The following AVL9 variants were observed in gnomAD, a reference collection of about 807,000 sequenced individuals.
The protein encoded by AVL9 is AVL9 cell migration associated.
AVL9 carries 49 observed loss-of-function variants against 79.2 expected under a neutral mutation model. The ratio of observed to expected loss-of-function variants is 0.62; its 90% CI spans 0.49 to 0.79. AVL9 has a LOEUF of 0.79. Among genes scored for constraint, AVL9 ranks in the 30% least tolerant of loss-of-function variants. The pLI is 0.00. For missense variants in AVL9, 682 were observed against 776.8 expected (o/e 0.88, Z 1.45); for synonymous variants, 299 against 280.6 (o/e 1.07, Z -0.65).
At position 32,503,369 on chromosome 7, in the gene AVL9, TATATACACACACACAC is replaced by T. The variant is rs1430176061; in HGVS notation, c.93+7569_93+7584del. Among the ~76,000 whole-genome samples the T allele has an allele frequency of 9.8e-3, 992 of 101,330 alleles. 27 individuals are homozygous for T. The highest frequency in any genetic ancestry group is 0.033 in the African/African-American group (888 of 27,192). The allele number at this position is 101,330 out of a possible 152,430, so 66.5% of individuals were successfully genotyped here. On this transcript the variant is annotated intron_variant, in intron 1 of 15. Coordinates refer to ENST00000318709, the MANE Select transcript of AVL9 (RefSeq NM_015060.3). ...AGATATAGATATAGAGAGATATATA[TATATACACACACACAC>T]ACACACACACACACACACACAAATT...
chr7:32,512,423 A>T lies in AVL9; in HGVS notation c.93+16621A>T, dbSNP rs550433325. ...CGTTATTTTATCGATGAGGACACTA[A>T]AGACCAGAAAACGAACTACCAGTAG... On this transcript the variant is annotated intron_variant, in intron 1 of 15. Coordinates refer to ENST00000318709, the MANE Select transcript of AVL9 (RefSeq NM_015060.3). Among the ~76,000 whole-genome samples the T allele has an allele frequency of 4.6e-5, 7 of 152,336 alleles. No individual in the cohort carries two copies. In the East Asian group the frequency reaches 1.3e-3, roughly 29 times the overall value.
In AVL9 at chr7:32,554,538, A is replaced by ATTTTTTT; in HGVS notation, c.571-17_571-11dup. ...CGTGAGTCTCTCATTTCAATACAAC[A>ATTTTTTT]TTTTTTTTTCCTTTTGCAGGTCTTA... On this transcript the variant is annotated intron_variant, in intron 7 of 15. Coordinates refer to ENST00000318709, the MANE Select transcript of AVL9 (RefSeq NM_015060.3). 6.8e-7 allele frequency: 1 copy of ATTTTTTT among 1,478,150 alleles called. No individual in the cohort carries two copies. The highest frequency in any genetic ancestry group is 9.2e-7 in the Non-Finnish European group (1 of 1,084,344). The allele number at this position is 1,478,150 out of a possible 1,614,324, so 91.6% of individuals were successfully genotyped here. A position where few individuals can be genotyped will look rare whatever the true frequency, so the allele number is the denominator to read the frequency against.
At chr7:32,541,136 C>G (rs1227818982) in intron 1 of AVL9, among the ~76,000 whole-genome samples, 1 of 151,636 alleles carries the variant, frequency 6.6e-6, no homozygotes, top group South Asian at 2.1e-4. Context: ...CTCCTGACCT[C>G]GTGATCCGCC....
At chr7:32,554,518 G>C in intron 7 of AVL9, 40 bp from the exon 8 acceptor site, 1 of 1,295,082 alleles carries the variant, frequency 7.7e-7, no homozygotes, top group East Asian at 2.4e-5. Flanking sequence ...ATAGGCGTGA[G>C]TCTCTCATTT....
chr7:32,500,954 C>T (rs553193312), intron 1 of AVL9, among the ~76,000 whole-genome samples: 6 of 152,196 alleles, frequency 3.9e-5, no homozygotes, highest in South Asian at 2.1e-4. Context: ...TGTTCTGTCC[C>T]GTTGGTCTAT....
intron 1 of AVL9, among the ~76,000 whole-genome samples, chr7:32,505,881 T>C (rs917884853): frequency 7.9e-5 from 12 of 152,326 alleles, no homozygotes; most frequent in African/African-American, 2.9e-4. Context: ...GATGCTCATA[T>C]ATATATTTAT....
At chr7:32,522,653 A>G (rs2128124543) in intron 1 of AVL9, among the ~76,000 whole-genome samples, 1 of 152,228 alleles carries the variant, frequency 6.6e-6, no homozygotes, top group East Asian at 1.9e-4. Context: ...GAAATGAGTT[A>G]AGACTTTGGG....
chr7:32,541,329 A>G (rs1789197379), intron 1 of AVL9, among the ~76,000 whole-genome samples: 1 of 143,674 alleles, frequency 7.0e-6, no homozygotes, highest in Non-Finnish European at 1.6e-5. Flanking sequence ...ATTTCATACA[A>G]AATTCATTTT....
At position 32,583,844 on chromosome 7, in the gene AVL9, G is replaced by A. The variant is rs1791636838; in HGVS notation, c.1884G>A (p.Trp628Ter). ...FSSAKTAMSS[W>*]LSTFTTSTSQ... ...GTGCAAAGACAGCTATGTCTTCATG[G>A]CTTTCCACTTTCACCACTTCCACCT... Residue 628 changes from tryptophan to a stop codon, truncating the protein, a stop_gained, in exon 16 of 16, where the codon TGG becomes TGA. Coordinates refer to ENST00000318709, the MANE Select transcript of AVL9 (RefSeq NM_015060.3). LOFTEE classifies it high-confidence loss of function. The A allele has an allele frequency of 5.6e-6, 9 of 1,613,970 alleles. No individual in the cohort carries two copies. Among genetic ancestry groups the A allele is most frequent in the Non-Finnish European group, 7.6e-6 (9 of 1,180,022 alleles).
chr7:32,547,649 G>T, intron 3 of AVL9, among the ~76,000 whole-genome samples: 1 of 152,156 alleles, frequency 6.6e-6, no homozygotes, highest in East Asian at 1.9e-4. Context: ...CCCAGTGATT[G>T]CTGTCCTTCT....
chr7:32,543,713 AG>A (rs1789325988), intron 2 of AVL9, among the ~76,000 whole-genome samples: 1 of 152,202 alleles, frequency 6.6e-6, no homozygotes, highest in African/African-American at 2.4e-5. Flanking sequence ...TCTGCTTGCA[AG>A]GTTGCTTGCT....
chr7:32,557,468 C>A (rs2128141030), intron 8 of AVL9, among the ~76,000 whole-genome samples: 1 of 152,206 alleles, frequency 6.6e-6, no homozygotes, highest in East Asian at 1.9e-4. Context: ...TCTTTTCTTT[C>A]TATATTTTGT....
At chr7:32,514,748 C>T (rs943194250) in intron 1 of AVL9, among the ~76,000 whole-genome samples, 10 of 152,154 alleles carry the variant, frequency 6.6e-5, no homozygotes, top group African/African-American at 9.7e-5. Flanking sequence ...CACTCCTACC[C>T]GCCAGAGAAC....
At chr7:32,520,341 G>A (rs901849072) in intron 1 of AVL9, among the ~76,000 whole-genome samples, 8 of 152,080 alleles carry the variant, frequency 5.3e-5, no homozygotes, top group Non-Finnish European at 1.0e-4. Context: ...CCACTGTAAG[G>A]ACAAAATTTT....
intron 10 of AVL9, among the ~76,000 whole-genome samples, chr7:32,563,927 TG>T (rs1790440544): frequency 6.6e-6 from 1 of 152,176 alleles, no homozygotes; most frequent in South Asian, 2.1e-4. Context: ...TTTAAGAACT[TG>T]GGAGAAAACT....
At chr7:32,582,156 A>G (rs1791540627) in intron 15 of AVL9, among the ~76,000 whole-genome samples, 1 of 152,260 alleles carries the variant, frequency 6.6e-6, no homozygotes, top group Non-Finnish European at 1.5e-5. Context: ...ACATTGCAAC[A>G]GTGCAAGAAA....
intron 1 of AVL9, among the ~76,000 whole-genome samples, chr7:32,542,853 C>A (rs530203883): frequency 4.1e-4 from 63 of 152,182 alleles, no homozygotes; most frequent in African/African-American, 1.4e-3. Context: ...GATGACAGCC[C>A]CCAGATATCA....
At chr7:32,557,238 A>C (rs1790104141) in intron 8 of AVL9, among the ~76,000 whole-genome samples, 1 of 152,046 alleles carries the variant, frequency 6.6e-6, no homozygotes, top group Admixed American at 6.5e-5. Context: ...TAAAGAATAG[A>C]GATAGGGTCT....
At chr7:32,577,388 T>C (rs1228294288) in intron 13 of AVL9, among the ~76,000 whole-genome samples, 1 of 152,202 alleles carries the variant, frequency 6.6e-6, no homozygotes, top group East Asian at 1.9e-4. Context: ...CATTTGAATA[T>C]AGTAAAAACA....
Sources: allele counts gnomAD v4.1 joint callset (sites outside exome capture counted in the v4.1 genomes callset), GRCh38; gene constraint gnomAD v4.1.1; transcripts MANE v1.5; gene names NCBI Gene and HGNC (gene_info 2026-07-23, HGNC 2026-07-21).